Variants in BMPR1B observed in about 807,000 individuals in gnomAD.
The protein encoded by BMPR1B is bone morphogenetic protein receptor type 1B, also known as bone morphogenetic protein receptor type-1B.
In BMPR1B, 12 loss-of-function variants were observed where a neutral mutation model predicts 59.1. That is an observed-to-expected ratio of 0.20 (90% confidence interval 0.13 to 0.33). BMPR1B has a LOEUF of 0.33. BMPR1B is among the 10% of genes least tolerant of loss of function. The probability of loss-of-function intolerance (pLI) is 1.00; values close to 1 mark genes in which losing one functional copy is unlikely to be tolerated. For synonymous variants in BMPR1B, 237 were observed against 207.3 expected, an observed-to-expected ratio of 1.14 and a Z score of -1.23; for missense variants, 550 against 610.9, an observed-to-expected ratio of 0.90 and a Z score of 1.05.
At chr4:95,006,126 C>G (rs1232736206) in intron 3 of BMPR1B, among the ~76,000 whole-genome samples, 1 of 151,766 alleles carries the variant, frequency 6.6e-6, no homozygotes, top group East Asian at 2.0e-4. Flanking sequence ...CAAAAACTAT[C>G]TGGGCGTGGT....
chr4:95,058,627 A>G lies in BMPR1B; in HGVS notation c.-17-45781A>G, dbSNP rs187206459. 2.3e-3 allele frequency among the ~76,000 whole-genome samples: 347 copies of G among 152,300 alleles called. 1 individual carries two copies. Among genetic ancestry groups the G allele is most frequent in the Non-Finnish European group, 3.5e-3 (240 of 68,028 alleles). ...TACAAGCTATGCCAAGGCCAATAGC[A>G]CGGAGCTTCAGAAAATCCAAGCCAA... On this transcript the variant is annotated intron_variant, in intron 3 of 12. Coordinates refer to ENST00000515059, the MANE Select transcript of BMPR1B (RefSeq NM_001203.3).
intron 10 of BMPR1B, among the ~76,000 whole-genome samples, chr4:95,144,363 C>T (rs922179019): frequency 3.3e-5 from 5 of 151,820 alleles, no homozygotes; most frequent in African/African-American, 9.7e-5. Flanking sequence ...TTAGTAGAGA[C>T]GGGGTTTTAC....
chr4:94,797,564 A>G (rs1450199694), intron 1 of BMPR1B, among the ~76,000 whole-genome samples: 3 of 152,220 alleles, frequency 2.0e-5, no homozygotes, highest in African/African-American at 7.2e-5. Context: ...TATTGTCAAC[A>G]ACTTTGGGTC....
intron 1 of BMPR1B, among the ~76,000 whole-genome samples, chr4:94,770,802 T>TA (rs373543088): frequency 8.1e-5 from 12 of 147,706 alleles, no homozygotes; most frequent in Non-Finnish European, 1.5e-4. Flanking sequence ...CAAGGGCTTT[T>TA]AAAAAAAATC....
At chr4:94,922,267 G>T (rs1305930005) in intron 2 of BMPR1B, among the ~76,000 whole-genome samples, 1 of 152,050 alleles carries the variant, frequency 6.6e-6, no homozygotes, top group African/African-American at 2.4e-5. Flanking sequence ...GAGTCATTGT[G>T]CCTGGCCTAG....
At chr4:94,953,401 G>T (rs1413717572) in intron 2 of BMPR1B, among the ~76,000 whole-genome samples, 3 of 152,156 alleles carry the variant, frequency 2.0e-5, no homozygotes, top group Non-Finnish European at 4.4e-5. Flanking sequence ...GCTGGTACCG[G>T]TTTTTCCTTT....
chr4:95,090,100 A>G (rs1320618203), intron 3 of BMPR1B, among the ~76,000 whole-genome samples: 1 of 152,072 alleles, frequency 6.6e-6, no homozygotes, highest in African/African-American at 2.4e-5. Context: ...AATTCTGTTG[A>G]GAGAGAATGT....
At chr4:94,891,266 A>T (rs770567160) in intron 2 of BMPR1B, among the ~76,000 whole-genome samples, 6 of 152,102 alleles carry the variant, frequency 3.9e-5, no homozygotes, top group Non-Finnish European at 7.4e-5. Flanking sequence ...AAGCAATAAA[A>T]CTTGGTTCTA....
At chr4:94,829,437 A>T (rs761968571) in intron 1 of BMPR1B, among the ~76,000 whole-genome samples, 1 of 149,894 alleles carries the variant, frequency 6.7e-6, no homozygotes, top group African/African-American at 2.5e-5. Context: ...CTATGCCTGG[A>T]TGATTTTTGT....
At chr4:94,816,368 A>G (rs867510522) in intron 1 of BMPR1B, among the ~76,000 whole-genome samples, 2 of 151,898 alleles carry the variant, frequency 1.3e-5, no homozygotes, top group African/African-American at 2.4e-5. Context: ...GAGTTTCACT[A>G]TGTTGGCCAG....
intron 1 of BMPR1B, among the ~76,000 whole-genome samples, chr4:94,832,611 C>T (rs918616655): frequency 5.3e-5 from 8 of 151,934 alleles, no homozygotes; most frequent in South Asian, 2.1e-4. Flanking sequence ...GGTAAAACAC[C>T]GTCTCTACTA....
At chr4:94,997,902 C>A (rs1722169647) in intron 3 of BMPR1B, among the ~76,000 whole-genome samples, 1 of 151,918 alleles carries the variant, frequency 6.6e-6, no homozygotes, top group Non-Finnish European at 1.5e-5. Context: ...TGCTTTCTTA[C>A]CCCTTTTTAT....
intron 1 of BMPR1B, among the ~76,000 whole-genome samples, chr4:94,804,415 G>A (rs994170202): frequency 6.6e-6 from 1 of 152,068 alleles, no homozygotes; most frequent in African/African-American, 2.4e-5. Flanking sequence ...AATCTTGACT[G>A]TGAAGCTTGT....
chr4:95,049,729 C>T (rs1206357185), intron 3 of BMPR1B, among the ~76,000 whole-genome samples: 1 of 151,670 alleles, frequency 6.6e-6, no homozygotes, highest in East Asian at 2.0e-4. Context: ...AATCTGGGCC[C>T]AGTCTGTTCC....
chr4:95,138,886 C>T (rs1479288074), intron 10 of BMPR1B, among the ~76,000 whole-genome samples: 1 of 152,026 alleles, frequency 6.6e-6, no homozygotes, highest in Non-Finnish European at 1.5e-5. Flanking sequence ...TTTGTTAATG[C>T]CGATTGTCTG....
At chr4:95,139,980 T>G (rs928265676) in intron 10 of BMPR1B, among the ~76,000 whole-genome samples, 2 of 152,110 alleles carry the variant, frequency 1.3e-5, no homozygotes, top group African/African-American at 4.8e-5. Context: ...GTACCTAAGT[T>G]GGAAATGCAG....
intron 3 of BMPR1B, among the ~76,000 whole-genome samples, chr4:95,040,884 C>T (rs1023957096): frequency 2.0e-5 from 3 of 152,142 alleles, no homozygotes; most frequent in Non-Finnish European, 2.9e-5. Flanking sequence ...TTACGTGGCT[C>T]TGGTAACTTT....
chr4:95,025,205 A>G (rs1489265864), intron 3 of BMPR1B, among the ~76,000 whole-genome samples: 1 of 152,238 alleles, frequency 6.6e-6, no homozygotes, highest in Non-Finnish European at 1.5e-5. Flanking sequence ...TATTTTCGCA[A>G]AGGGGAAAGT....
chr4:94,924,742 A>G (rs1728820339), intron 2 of BMPR1B, among the ~76,000 whole-genome samples: 1 of 152,158 alleles, frequency 6.6e-6, no homozygotes, highest in Non-Finnish European at 1.5e-5. Flanking sequence ...GATGTGTGTC[A>G]TACAGTGACA....
Sources: allele counts gnomAD v4.1 joint callset (sites outside exome capture counted in the v4.1 genomes callset), GRCh38; gene constraint gnomAD v4.1.1; transcripts MANE v1.5; gene names NCBI Gene and HGNC (gene_info 2026-07-23, HGNC 2026-07-21).